Variants in HIRA observed in about 807,000 individuals in gnomAD.
HIRA encodes histone cell cycle regulator.
Under a neutral mutation model 126.6 loss-of-function variants are expected in HIRA, and 13 were observed. That is an observed-to-expected ratio of 0.10 (90% CI 0.07 to 0.16). The LOEUF is 0.16. HIRA is among the 10% of genes least tolerant of loss of function. The pLI is 1.00. For synonymous variants in HIRA, 511 were observed against 520.0 expected, an observed-to-expected ratio of 0.98 and a Z score of 0.24; for missense variants, 834 against 1,314.4, an observed-to-expected ratio of 0.63 and a Z score of 5.65.
At chr22:19,412,327 T>C (rs976498378) in intron 1 of HIRA, among the ~76,000 whole-genome samples, 7 of 152,164 alleles carry the variant, frequency 4.6e-5, no homozygotes, top group Admixed American at 3.9e-4. Context: ...ATTCGAGCCA[T>C]CCCAGCAGAT....
At chr22:19,359,243 G>T in intron 18 of HIRA, 93 bp downstream of exon 18, 1 of 1,334,808 alleles carries the variant, frequency 7.5e-7, no homozygotes. Flanking sequence ...GGTGCTCCCA[G>T]GGTCATGCAC....
chr22:19,406,143 A>G (rs1241728254), intron 4 of HIRA, among the ~76,000 whole-genome samples: 1 of 152,248 alleles, frequency 6.6e-6, no homozygotes, highest in Non-Finnish European at 1.5e-5. Context: ...CATCACATAC[A>G]ATATGATATC....
At chr22:19,401,383 C>CT (rs1351101651) in intron 5 of HIRA, among the ~76,000 whole-genome samples, 2 of 152,214 alleles carry the variant, frequency 1.3e-5, no homozygotes, top group East Asian at 3.8e-4. Flanking sequence ...TGCCTCGCTT[C>CT]TTTTCACTGT....
intron 5 of HIRA, among the ~76,000 whole-genome samples, chr22:19,404,325 A>G (rs941345347): frequency 2.0e-5 from 3 of 152,162 alleles, no homozygotes; most frequent in Non-Finnish European, 4.4e-5. Context: ...GGTAGGAAAG[A>G]GAATGCAAGG....
intron 1 of HIRA, among the ~76,000 whole-genome samples, chr22:19,421,482 C>T (rs911373126): frequency 6.6e-6 from 1 of 152,176 alleles, no homozygotes; most frequent in Non-Finnish European, 1.5e-5. Context: ...AATGCGTCTT[C>T]TAAAATCACA....
At chr22:19,339,434 A>G (rs148953738) in intron 24 of HIRA, among the ~76,000 whole-genome samples, 1,650 of 152,298 alleles carry the variant, frequency 0.011, 21 homozygotes, top group Middle Eastern at 0.014. Flanking sequence ...CAGGAGTTCA[A>G]GACCAGCCTG....
chr22:19,367,202 T>C (rs2088921636), intron 15 of HIRA, among the ~76,000 whole-genome samples: 1 of 152,192 alleles, frequency 6.6e-6, no homozygotes. Flanking sequence ...TTTTTTCAAA[T>C]AACATTCCAT....
chr22:19,360,512 T>G (rs1025480879), intron 17 of HIRA, among the ~76,000 whole-genome samples: 1 of 152,152 alleles, frequency 6.6e-6, no homozygotes, highest in Non-Finnish European at 1.5e-5. Context: ...TGACGCCTGC[T>G]CTCTGGTGCC....
chr22:19,386,367 A>G (rs2089127694), intron 11 of HIRA, among the ~76,000 whole-genome samples: 1 of 152,192 alleles, frequency 6.6e-6, no homozygotes, highest in South Asian at 2.1e-4. Context: ...TGGTGTCCCC[A>G]GCACACTGTA....
intron 14 of HIRA, among the ~76,000 whole-genome samples, chr22:19,376,926 A>G (rs574440135): frequency 1.1e-4 from 17 of 152,348 alleles, no homozygotes; most frequent in African/African-American, 3.6e-4. Flanking sequence ...ACCGCCTAAC[A>G]GAGTCACTTT....
At chr22:19,345,413 C>G (rs1476571248) in intron 24 of HIRA, among the ~76,000 whole-genome samples, 5 of 152,194 alleles carry the variant, frequency 3.3e-5, no homozygotes, top group Admixed American at 1.3e-4. Flanking sequence ...TCCACTCTTT[C>G]AGGATGCGAT....
intron 4 of HIRA, among the ~76,000 whole-genome samples, chr22:19,406,867 A>G (rs2089312124): frequency 6.6e-6 from 1 of 152,214 alleles, no homozygotes; most frequent in South Asian, 2.1e-4. Context: ...CTGACTTTTA[A>G]CCATTTTGTA....
At chr22:19,347,275 A>G (rs1240428615) in intron 24 of HIRA, among the ~76,000 whole-genome samples, 1 of 152,204 alleles carries the variant, frequency 6.6e-6, no homozygotes, top group African/African-American at 2.4e-5. Context: ...ACAACCTGAT[A>G]ACCAAGGATT....
Position 19,396,802 on chromosome 22 carries a change from G to T in HIRA, c.639C>A (p.Thr213=), listed in dbSNP as rs2082792948. The T allele has an allele frequency of 6.2e-7, 1 of 1,614,020 alleles. No homozygotes were observed. Among genetic ancestry groups the T allele is most frequent in the South Asian group, 1.1e-5 (1 of 91,080 alleles). ...CCCCACTTACCTCATCAAAAGGCTT[G>T]GTGATGCTGGTCTCCAACTGCCAGT... is the stretch of plus-strand genomic sequence containing the variant. ...TLDWQLETSI[T]KPFDECGGTT... The change falls in exon 7 of 25, where the codon ACC becomes ACA. Residue 213 remains threonine, a synonymous_variant. Coordinates refer to ENST00000263208, the MANE Select transcript of HIRA (RefSeq NM_003325.4).
rs190557839 is a variant in HIRA, at chr22:19,331,956, C to T, written c.2938-400G>A. Among the ~76,000 whole-genome samples, 41 of 152,306 alleles carry T rather than the reference C, an allele frequency of 2.7e-4. No individual in the cohort carries two copies. In the East Asian group the frequency reaches 7.3e-3, roughly 27 times the overall value. ...TGTTTGCCAGGGGTTTGAGGTCAAG[C>T]CCCAGGGCAAGGATGCACCTGGGGG... On this transcript the variant is annotated intron_variant, in intron 24 of 24. Coordinates refer to ENST00000263208, the MANE Select transcript of HIRA (RefSeq NM_003325.4).
At chr22:19,376,527 C>T (rs2089020636) in intron 14 of HIRA, among the ~76,000 whole-genome samples, 1 of 152,208 alleles carries the variant, frequency 6.6e-6, no homozygotes, top group Non-Finnish European at 1.5e-5. Context: ...CCCCATTCTT[C>T]TCCTCCATGA....
intron 1 of HIRA, among the ~76,000 whole-genome samples, chr22:19,413,384 G>T (rs2089369457): frequency 6.6e-6 from 1 of 152,078 alleles, no homozygotes; most frequent in South Asian, 2.1e-4. Flanking sequence ...AAAGCCTTGA[G>T]ATTTTATTTT....
At chr22:19,408,078 G>A (rs1029903812) in intron 3 of HIRA, among the ~76,000 whole-genome samples, 1 of 152,164 alleles carries the variant, frequency 6.6e-6, no homozygotes, top group African/African-American at 2.4e-5. Flanking sequence ...AGCAGGAAAG[G>A]AAACCATCAC....
At chr22:19,359,922 A>C (rs1235925054) in intron 17 of HIRA, among the ~76,000 whole-genome samples, 3 of 152,190 alleles carry the variant, frequency 2.0e-5, no homozygotes, top group Non-Finnish European at 4.4e-5. Context: ...ATTAGAGACC[A>C]TGTCAGTGCT....
Sources: gnomAD v4.1 joint callset for allele counts (sites outside exome capture counted in the v4.1 genomes callset) on GRCh38, gnomAD v4.1.1 for gene constraint, MANE v1.5 for transcripts, NCBI Gene and HGNC (gene_info 2026-07-23, HGNC 2026-07-21) for gene names.